The following PRKD3 variants were observed in gnomAD, a reference collection of about 807,000 sequenced individuals.
The protein encoded by PRKD3 is serine/threonine-protein kinase D3.
Under a neutral mutation model 99.2 loss-of-function variants are expected in PRKD3, and 47 were observed. The observed-to-expected ratio is 0.47, with a 90% CI of 0.38 to 0.60. The LOEUF (loss-of-function observed/expected upper bound fraction) is 0.60. Among genes scored for constraint, PRKD3 ranks in the 20% least tolerant of loss-of-function variants. PRKD3 has a pLI of 0.00. For synonymous variants in PRKD3, 392 were observed against 355.4 expected, an observed-to-expected ratio of 1.10 and a Z score of -1.16; for missense variants, 1,019 against 1,088.4, an observed-to-expected ratio of 0.94 and a Z score of 0.90.
Position 37,289,489 on chromosome 2 carries a change from C to G in PRKD3, c.584G>C (p.Arg195Pro). The G allele has an allele frequency of 1.2e-6, 2 of 1,612,966 alleles. No homozygotes were observed. Among genetic ancestry groups the G allele is most frequent in the Non-Finnish European group, 1.7e-6 (2 of 1,179,242 alleles). The change falls in exon 5 of 19, where the codon CGA becomes CCA. Residue 195 changes from arginine to proline, a missense_variant. Transcript: ENST00000234179. ...CEGCGLNYHK[R>P]CAFKIPNNCS... Reference sequence around the variant, plus strand: ...GTTATTTGGAATCTTGAAGGCACATCGTTTATGGTAATTTAATCCACAGCC... The same window carrying G: ...GTTATTTGGAATCTTGAAGGCACATGGTTTATGGTAATTTAATCCACAGCC...
intron 6 of PRKD3, 71 bp from the exon 7 acceptor site, chr2:37,282,690 T>C: frequency 9.6e-7 from 1 of 1,040,186 alleles, no homozygotes; most frequent in South Asian, 1.3e-5. Context: ...TAGACTTTCT[T>C]TAAATCACTC....
chr2:37,265,995 A>G (rs1668811226), intron 14 of PRKD3, among the ~76,000 whole-genome samples: 1 of 152,216 alleles, frequency 6.6e-6, no homozygotes, highest in South Asian at 2.1e-4. Context: ...TAGTTGGACA[A>G]TGAGGGTTCC....
At chr2:37,258,610 T>C (rs1668165652) in intron 16 of PRKD3, among the ~76,000 whole-genome samples, 2 of 152,162 alleles carry the variant, frequency 1.3e-5, no homozygotes, top group Admixed American at 1.3e-4. Context: ...ATTTTGAAGA[T>C]CAAATGAGAT....
intron 5 of PRKD3, among the ~76,000 whole-genome samples, chr2:37,287,230 CAAAAAAAAAAAAAAAAAAAAAAA>C (rs754092348): frequency 1.9e-5 from 1 of 53,658 alleles, no homozygotes; most frequent in Non-Finnish European, 3.0e-5. Context: ...AACTCCATCT[CAAAAAAAAAAAAAAAAAAAAAAA>C]AAAAAAAAAA....
intron 2 of PRKD3, among the ~76,000 whole-genome samples, chr2:37,293,758 T>C (rs1407865300): frequency 2.6e-5 from 4 of 152,240 alleles, no homozygotes; most frequent in East Asian, 1.9e-4. Context: ...AATGGTCTAA[T>C]ATGAATCAGT....
intron 14 of PRKD3, among the ~76,000 whole-genome samples, chr2:37,264,191 G>T (rs1668666178): frequency 1.3e-5 from 2 of 152,062 alleles, no homozygotes; most frequent in African/African-American, 2.4e-5. Context: ...CTTTTTCTGT[G>T]TAACTGTATA....
At chr2:37,270,364 A>C (rs979161884) in intron 12 of PRKD3, among the ~76,000 whole-genome samples, 2 of 151,672 alleles carry the variant, frequency 1.3e-5, no homozygotes, top group African/African-American at 2.4e-5. Flanking sequence ...AAAAAAAAAA[A>C]AAAACTCAAA....
Position 37,293,274 on chromosome 2 carries a change from G to A in PRKD3, c.289-3C>T, listed in dbSNP as rs374744102. 1.9e-6 allele frequency: 3 copies of A among 1,588,024 alleles called. No individual in the cohort carries two copies. The highest frequency in any genetic ancestry group is 2.3e-5 in the East Asian group (1 of 44,290). On this transcript the variant is annotated splice_polypyrimidine_tract_variant and splice_region_variant and intron_variant, in intron 2 of 18. Transcript: ENST00000234179. ...CCAAAGAATCCACACTCTGGAAACT[G>A]AGGGATAATAGTCCTATATCAGTAT...
In PRKD3 at chr2:37,254,213, G is replaced by A. The variant is rs748993443; in HGVS notation, c.2490C>T (p.Pro830=). ...RYSVDKSLSH[P]WLQDYQTWLD... is the part of the protein sequence containing the mutation. ...TTACATTTTTTTTTACCTGTAGCCA[G>A]GGATGACTAAGAGATTTGTCAACAC... Residue 830 remains proline (P), a synonymous_variant, in exon 18 of 19, where the codon CCC becomes CCT. Transcript: ENST00000234179. 5 of 1,609,374 alleles carry A rather than the reference G, an allele frequency of 3.1e-6. No individual in the cohort carries two copies. The highest frequency in any genetic ancestry group is 3.4e-6 in the Non-Finnish European group (4 of 1,175,858).
intron 18 of PRKD3, 132 bp from the exon 19 acceptor site, chr2:37,253,482 T>G: frequency 1.5e-6 from 1 of 678,626 alleles, no homozygotes; most frequent in Non-Finnish European, 2.4e-6. Flanking sequence ...CTCATAAGTA[T>G]CTACTATGTA....
At chr2:37,308,373 A>G (rs1194689873) in intron 2 of PRKD3, among the ~76,000 whole-genome samples, 1 of 151,928 alleles carries the variant, frequency 6.6e-6, no homozygotes, top group Non-Finnish European at 1.5e-5. Flanking sequence ...ATTATATGTA[A>G]ATTTTCTTTT....
intron 2 of PRKD3, among the ~76,000 whole-genome samples, chr2:37,307,808 G>A (rs1671228239): frequency 1.3e-5 from 2 of 152,212 alleles, no homozygotes; most frequent in South Asian, 2.1e-4. Flanking sequence ...AAGAGTGAAC[G>A]CTTTTGGTCA....
At chr2:37,291,630 C>T (rs1382886617) in intron 3 of PRKD3, among the ~76,000 whole-genome samples, 3 of 151,996 alleles carry the variant, frequency 2.0e-5, no homozygotes, top group African/African-American at 7.3e-5. Context: ...AAGAGGAGGG[C>T]AAGGATTGGG....
At chr2:37,306,442 G>A (rs887048126) in intron 2 of PRKD3, among the ~76,000 whole-genome samples, 1 of 152,170 alleles carries the variant, frequency 6.6e-6, no homozygotes, top group South Asian at 2.1e-4. Context: ...TGAAGATATA[G>A]GAACTTTTTA....
At chr2:37,271,603 C>T (rs1027316224) in intron 12 of PRKD3, among the ~76,000 whole-genome samples, 2 of 152,188 alleles carry the variant, frequency 1.3e-5, no homozygotes, top group African/African-American at 4.8e-5. Context: ...AGCATTACTG[C>T]CCAAGCTCCG....
chr2:37,257,505 G>C (rs907424669), intron 16 of PRKD3, among the ~76,000 whole-genome samples: 1 of 151,604 alleles, frequency 6.6e-6, no homozygotes, highest in African/African-American at 2.4e-5. Context: ...CTCTACTGAA[G>C]ATACAAAAAA....
chr2:37,280,036 G>A lies in PRKD3; in HGVS notation c.989-107C>T, dbSNP rs910596263. The A allele has an allele frequency of 1.1e-4, 66 of 593,602 alleles. 1 individual carries two copies. Among genetic ancestry groups the A allele is most frequent in the Non-Finnish European group, 4.4e-5 (16 of 364,670 alleles). 36.8% of individuals were successfully genotyped at this position (593,602 alleles called of 1,614,324 possible). On this transcript the variant is annotated intron_variant, in intron 7 of 18. Transcript: ENST00000234179. ...AAAATGTAAGAAAATATCTTTATGA[G>A]TTAAGTAAAGTATTTCTCTTTTTTT... is the stretch of plus-strand genomic sequence containing the variant.
intron 2 of PRKD3, among the ~76,000 whole-genome samples, chr2:37,300,459 T>A (rs1247535239): frequency 6.6e-6 from 1 of 152,186 alleles, no homozygotes; most frequent in Non-Finnish European, 1.5e-5. Flanking sequence ...CAGTGTTTGG[T>A]AGCATGATAG....
intron 14 of PRKD3, among the ~76,000 whole-genome samples, chr2:37,260,978 T>C (rs1283616227): frequency 2.6e-5 from 4 of 152,254 alleles, no homozygotes. Flanking sequence ...AAGCAATTTA[T>C]CTTTTGTTCT....
Sources: gnomAD v4.1 joint callset for allele counts (sites outside exome capture counted in the v4.1 genomes callset) on GRCh38, gnomAD v4.1.1 for gene constraint, MANE v1.5 for transcripts, NCBI Gene and HGNC (gene_info 2026-07-23, HGNC 2026-07-21) for gene names.